Variants in MND1 observed in about 807,000 individuals in gnomAD.
The protein encoded by MND1 is meiotic nuclear divisions 1, also known as meiotic nuclear division protein 1 homolog.
A neutral mutation model predicts 35.1 loss-of-function variants in MND1; 28 were observed. The observed-to-expected ratio is 0.80, with a 90% CI of 0.59 to 1.09. The LOEUF is 1.09. MND1 is among the 50% of genes least tolerant of loss of function. The pLI is 0.00. For synonymous variants in MND1, 69 were observed against 70.5 expected (o/e 0.98, Z 0.11); for missense variants, 213 against 239.6 (o/e 0.89, Z 0.73).
chr4:153,412,189 G>A (rs914650094), intron 7 of MND1, among the ~76,000 whole-genome samples: 17 of 152,154 alleles, frequency 1.1e-4, no homozygotes, highest in African/African-American at 4.1e-4. Flanking sequence ...ATTTGATGCA[G>A]TAGTATTCTC....
intron 6 of MND1, among the ~76,000 whole-genome samples, chr4:153,403,694 G>A (rs796447149): frequency 3.3e-4 from 50 of 152,078 alleles, no homozygotes; most frequent in African/African-American, 1.1e-3. Flanking sequence ...CTTCCCGGCC[G>A]GGTTCAAGTG....
chr4:153,348,217 AAGG>A, intron 1 of MND1, among the ~76,000 whole-genome samples: 1 of 152,312 alleles, frequency 6.6e-6, no homozygotes, highest in Admixed American at 6.5e-5. Context: ...GATGTGAGAT[AAGG>A]AGGTGAAGGT....
At chr4:153,353,628 G>A (rs1773273808) in intron 2 of MND1, among the ~76,000 whole-genome samples, 1 of 151,134 alleles carries the variant, frequency 6.6e-6, no homozygotes, top group Admixed American at 6.6e-5. Flanking sequence ...AAATTTTTAT[G>A]AAGTATAATT....
chr4:153,366,093 G>A (rs551438719), intron 4 of MND1, among the ~76,000 whole-genome samples: 20 of 152,154 alleles, frequency 1.3e-4, no homozygotes, highest in Non-Finnish European at 2.8e-4. Context: ...TTCAATTTCT[G>A]TGGGCTGCCA....
At chr4:153,394,668 T>C (rs1339270895) in intron 5 of MND1, among the ~76,000 whole-genome samples, 1 of 152,196 alleles carries the variant, frequency 6.6e-6, no homozygotes, top group Non-Finnish European at 1.5e-5. Context: ...ATTAAACTAG[T>C]TAATATTTGC....
chr4:153,377,651 A>G (rs767064363), intron 4 of MND1, among the ~76,000 whole-genome samples: 9 of 152,172 alleles, frequency 5.9e-5, no homozygotes, highest in Non-Finnish European at 1.0e-4. Context: ...TCTGCTTCCG[A>G]AAAGGCTTTA....
At chr4:153,379,920 G>T (rs1286433975) in intron 4 of MND1, among the ~76,000 whole-genome samples, 2 of 151,268 alleles carry the variant, frequency 1.3e-5, no homozygotes, top group African/African-American at 4.9e-5. Flanking sequence ...TACTCAGGAG[G>T]CTGAGGTAGG....
chr4:153,362,020 A>G (rs1026995961), intron 4 of MND1, among the ~76,000 whole-genome samples: 2 of 151,998 alleles, frequency 1.3e-5, no homozygotes, highest in African/African-American at 4.8e-5. Flanking sequence ...TAATTTTCTC[A>G]GCTCTCTTTC....
chr4:153,344,963 C>G (rs915084850), intron 1 of MND1, among the ~76,000 whole-genome samples: 1 of 152,156 alleles, frequency 6.6e-6, no homozygotes, highest in African/African-American at 2.4e-5. Context: ...AGTCCCGAGG[C>G]GCGGGGGCAT....
chr4:153,372,603 C>T (rs531655208), intron 4 of MND1, among the ~76,000 whole-genome samples: 1 of 152,252 alleles, frequency 6.6e-6, no homozygotes, highest in East Asian at 1.9e-4. Flanking sequence ...AAATCATTCT[C>T]TTCCTTCCCT....
intron 4 of MND1, among the ~76,000 whole-genome samples, chr4:153,378,210 C>G (rs1435060377): frequency 6.6e-6 from 1 of 152,140 alleles, no homozygotes; most frequent in Non-Finnish European, 1.5e-5. Flanking sequence ...TTCTTTGACT[C>G]CCAGTCTACA....
intron 7 of MND1, among the ~76,000 whole-genome samples, chr4:153,413,616 TGCAGTGA>T (rs1729749096): frequency 6.6e-6 from 1 of 150,988 alleles, no homozygotes; most frequent in South Asian, 2.1e-4. Flanking sequence ...AGGTGGAGAC[TGCAGTGA>T]GCTGAGATTA....
intron 4 of MND1, among the ~76,000 whole-genome samples, chr4:153,390,793 A>G (rs531897591): frequency 6.6e-6 from 1 of 152,118 alleles, no homozygotes; most frequent in Non-Finnish European, 1.5e-5. Context: ...GGTTGCAGTG[A>G]GCCAAGTTCG....
chr4:153,404,676 G>A (rs1237140062), intron 6 of MND1, among the ~76,000 whole-genome samples: 2 of 150,120 alleles, frequency 1.3e-5, no homozygotes, highest in African/African-American at 4.9e-5. Flanking sequence ...ACGGGGTTTC[G>A]CCATGTTGGC....
chr4:153,413,917 CT>C (rs1294885612), intron 7 of MND1, among the ~76,000 whole-genome samples: 1 of 152,164 alleles, frequency 6.6e-6, no homozygotes, highest in African/African-American at 2.4e-5. Context: ...AGACATACCA[CT>C]TTTTTTCAGT....
At position 153,356,552 on chromosome 4, in the gene MND1, CAAAAAAAAAA is replaced by C. The variant is rs34763120; in HGVS notation, c.127+856_127+865del. On this transcript the variant is annotated intron_variant, in intron 3 of 7. Transcript: ENST00000240488. Reference sequence around the variant, plus strand: ...TGGGTGACAGAGTGAAACTCAGTCTCAAAAAAAAAAAAAAAAAAAAAAAAGATATGTATAA... The same window carrying C: ...TGGGTGACAGAGTGAAACTCAGTCTCAAAAAAAAAAAAAAGATATGTATAA... Among the ~76,000 whole-genome samples, 227 of 60,072 alleles carry C rather than the reference CAAAAAAAAAA, an allele frequency of 3.8e-3. 3 individuals carry two copies. Among genetic ancestry groups the C allele is most frequent in the Middle Eastern group, 0.016 (1 of 62 alleles). The allele number at this position is 60,072 out of a possible 152,430, so 39.4% of individuals were successfully genotyped here. A position where few individuals can be genotyped will look rare whatever the true frequency, so the allele number is the denominator to read the frequency against.
rs1402891803 is a variant in MND1 at position 153,379,237 on chromosome 4, C to T, written c.277-15025C>T. Among the ~76,000 whole-genome samples, 4 of 148,406 alleles carry T rather than the reference C, an allele frequency of 2.7e-5. No homozygotes were observed. In the East Asian group the frequency reaches 7.9e-4, roughly 29 times the overall value. On this transcript the variant is annotated intron_variant, in intron 4 of 7. Transcript: ENST00000240488. ...CCCAGGAGACGGAGCTTGCAGTGAG[C>T]CGAGATCCTGCCACTGCACTCCAGC...
Position 153,350,103 on chromosome 4 carries a change from C to T in MND1, c.43C>T (p.Arg15Cys), listed in dbSNP as rs370934600. The T allele has an allele frequency of 8.8e-5, 142 of 1,604,758 alleles. 1 individual carries two copies. Among genetic ancestry groups the T allele is most frequent in the South Asian group, 1.6e-4 (14 of 88,936 alleles). Residue 15 changes from arginine (R) to cysteine (C), a missense_variant, in exon 2 of 8, where the codon CGC becomes TGC. Physicochemically the swap from Arg to Cys is radical, Grantham distance 180. Transcript: ENST00000240488. ...KGLSAEEKRT[R>C]MMEIFSETKD... ...ACTGAGTGCAGAAGAAAAGAGAACTCGCATGATGGAAATATTTTCTGAAAC... is the reference window on the plus strand; with the variant it reads ...ACTGAGTGCAGAAGAAAAGAGAACTTGCATGATGGAAATATTTTCTGAAAC...
intron 6 of MND1, among the ~76,000 whole-genome samples, chr4:153,397,817 C>CA (rs112959228): frequency 8.7e-5 from 13 of 149,244 alleles, no homozygotes; most frequent in African/African-American, 3.0e-4. Context: ...AACTCTGTCT[C>CA]AAAAAAAAAG....
Sources: gnomAD v4.1 joint callset for allele counts (sites outside exome capture counted in the v4.1 genomes callset) on GRCh38, gnomAD v4.1.1 for gene constraint, MANE v1.5 for transcripts, NCBI Gene and HGNC (gene_info 2026-07-23, HGNC 2026-07-21) for gene names.